The following PTPN14 variants were observed in gnomAD, a reference collection of about 807,000 sequenced individuals.
PTPN14 encodes protein tyrosine phosphatase non-receptor type 14, also known as tyrosine-protein phosphatase non-receptor type 14.
Under a neutral mutation model 126.8 loss-of-function variants are expected in PTPN14, and 53 were observed. The observed-to-expected ratio is 0.42, with a 90% CI of 0.34 to 0.53. PTPN14 has a LOEUF of 0.53. PTPN14 is among the 20% of genes least tolerant of loss of function. PTPN14 has a pLI of 0.08. For synonymous variants in PTPN14, 630 were observed against 599.3 expected (o/e 1.05, Z -0.75); for missense variants, 1,257 against 1,552.9 (o/e 0.81, Z 3.20).
At chr1:214,415,433 A>G (rs1659404290) in intron 3 of PTPN14, among the ~76,000 whole-genome samples, 1 of 152,180 alleles carries the variant, frequency 6.6e-6, no homozygotes, top group African/African-American at 2.4e-5. Context: ...CTCACTCAAG[A>G]CGTTTATTTC....
chr1:214,512,406 A>G (rs1261781632), intron 1 of PTPN14, among the ~76,000 whole-genome samples: 1 of 152,180 alleles, frequency 6.6e-6, no homozygotes, highest in East Asian at 1.9e-4. Context: ...GAAATTTAAT[A>G]AAATTAAAAT....
At chr1:214,533,204 T>C in intron 1 of PTPN14, 1 of 695,198 alleles carries the variant, frequency 1.4e-6, no homozygotes, top group Non-Finnish European at 2.6e-6. Flanking sequence ...GAGATCCTGC[T>C]GCACCTGGCG....
At chr1:214,475,948 T>C (rs894635055) in intron 1 of PTPN14, among the ~76,000 whole-genome samples, 1 of 152,172 alleles carries the variant, frequency 6.6e-6, no homozygotes, top group Admixed American at 6.5e-5. Flanking sequence ...GACCTTATGA[T>C]ATAAAAGTAA....
chr1:214,387,689 AAAG>A (rs1234468014), intron 11 of PTPN14, among the ~76,000 whole-genome samples: 33 of 150,728 alleles, frequency 2.2e-4, no homozygotes, highest in Admixed American at 7.9e-4. Flanking sequence ...AAAAAAAAAA[AAAG>A]AAAGAAAGAA....
intron 18 of PTPN14, 118 bp from the exon 19 acceptor site, chr1:214,358,168 C>G: frequency 8.0e-7 from 1 of 1,251,420 alleles, no homozygotes; most frequent in Non-Finnish European, 1.1e-6. Context: ...CAAGAGAAGG[C>G]AAGGGACTCT....
chr1:214,364,637 T>C lies in PTPN14; in HGVS notation c.3310A>G (p.Asn1104Asp). Residue 1104 changes from asparagine to aspartate, a missense_variant, in exon 18 of 19, where the codon AAC becomes GAC. Physicochemically the swap from Asn to Asp is conservative, Grantham distance 23. Transcript: ENST00000366956. The surrounding 1 kb of genome is among the most constrained non-coding windows in gnomAD (Gnocchi z 4.1). ...TTCTTGGTGCCTTCCAGCATGCTGT[T>C]GGTATGGCGACGGACCGACTGGATC... The part of the protein sequence containing the change: ...EEIQSVRRHT[N>D]SMLEGTKNRH... The C allele has an allele frequency of 2.5e-6, 4 of 1,613,998 alleles. No homozygotes were observed. Among genetic ancestry groups the C allele is most frequent in the Non-Finnish European group, 3.4e-6 (4 of 1,180,020 alleles).
intron 3 of PTPN14, among the ~76,000 whole-genome samples, chr1:214,437,680 G>T (rs1000810127): frequency 6.6e-6 from 1 of 152,018 alleles, no homozygotes; most frequent in Admixed American, 6.6e-5. Context: ...CCAGGAAGAC[G>T]CCCACAATTT....
intron 10 of PTPN14, among the ~76,000 whole-genome samples, chr1:214,392,654 G>GCTTCAC (rs1658784189): frequency 6.6e-6 from 1 of 152,122 alleles, no homozygotes; most frequent in African/African-American, 2.4e-5. Flanking sequence ...TAGAAGAAAC[G>GCTTCAC]TACAGCCGCT....
rs114914872 is a variant in PTPN14 at position 214,413,219 on chromosome 1, G to A, written c.442+1410C>T. On this transcript the variant is annotated intron_variant, in intron 4 of 18. Transcript: ENST00000366956. ...AAGAAGAAAGACCCAATTTGACAAT[G>A]AGGGACATATTGATCTTCTCCATTA... 3.2e-3 allele frequency among the ~76,000 whole-genome samples: 485 copies of A among 152,254 alleles called. 3 individuals are homozygous for A. The highest frequency in any genetic ancestry group is 0.011 in the African/African-American group (458 of 41,546).
At chr1:214,426,032 C>CAAAAAAAAAAAAA (rs66656875) in intron 3 of PTPN14, among the ~76,000 whole-genome samples, 16 of 33,854 alleles carry the variant, frequency 4.7e-4, no homozygotes, top group Admixed American at 5.3e-4. Flanking sequence ...GCATAAATCG[C>CAAAAAAAAAAAAA]AAAAAAAAAA....
At chr1:214,418,281 T>C (rs1659469878) in intron 3 of PTPN14, among the ~76,000 whole-genome samples, 1 of 152,164 alleles carries the variant, frequency 6.6e-6, no homozygotes, top group South Asian at 2.1e-4. Context: ...ATCTGTCAGG[T>C]GGGCAGCAAA....
At chr1:214,390,164 G>T (rs2102547686) in intron 11 of PTPN14, among the ~76,000 whole-genome samples, 1 of 152,186 alleles carries the variant, frequency 6.6e-6, no homozygotes, top group South Asian at 2.1e-4. Context: ...GAAGTTAAAA[G>T]GTCATATGCT....
Position 214,464,761 on chromosome 1 carries a change from C to T in PTPN14, c.43G>A (p.Val15Ile), listed in dbSNP as rs758671755. 3.1e-6 allele frequency: 5 copies of T among 1,614,166 alleles called. No individual in the cohort carries two copies. The highest frequency in any genetic ancestry group is 1.7e-5 in the Admixed American group (1 of 60,012). Residue 15 changes from valine (V) to isoleucine (I), a missense_variant, in exon 2 of 19, where the codon GTC (valine) becomes ATC (isoleucine). Around this residue, in one of 3 missense-constraint regions of PTPN14, gnomAD observed 1,021 missense variants for 1,183.3 expected, o/e 0.86. Transcript: ENST00000366956. ...LKLRRTRRYN[V>I]LSKNCFVTRI... ...GTGACAAAGCAGTTCTTGCTCAGGACGTTGTAGCGCCGTGTCCGGCGGAGC... is the reference window on the plus strand; with the variant it reads ...GTGACAAAGCAGTTCTTGCTCAGGATGTTGTAGCGCCGTGTCCGGCGGAGC...
At chr1:214,358,820 G>GC (rs1657885923) in intron 18 of PTPN14, among the ~76,000 whole-genome samples, 3 of 149,098 alleles carry the variant, frequency 2.0e-5, no homozygotes, top group Non-Finnish European at 4.4e-5. Flanking sequence ...TCGGCTCACT[G>GC]CAACCTCTGC....
In PTPN14 at chr1:214,386,855, T is replaced by C. The variant is rs1204965393; in HGVS notation, c.1055A>G (p.His352Arg). 1.9e-6 allele frequency: 3 copies of C among 1,601,262 alleles called. No homozygotes were observed. The highest frequency in any genetic ancestry group is 4.5e-5 in the East Asian group (2 of 44,800). Residue 352 changes from histidine to arginine, a missense_variant, in exon 12 of 19, where the codon CAC becomes CGC. Coordinates refer to ENST00000366956, the MANE Select transcript of PTPN14 (RefSeq NM_005401.5). ...VQCGEHYSETHTSQDSIFHGN... is the reference protein window; with the variant it reads ...VQCGEHYSETRTSQDSIFHGN... ...CAAGCCAGAGTTACCTTGCGAGGTG[T>C]GCGTTTCCGAGTAGTGCTCACCACA...
intron 13 of PTPN14, 151 bp from the exon 14 acceptor site, chr1:214,378,253 T>C: frequency 9.3e-7 from 1 of 1,070,004 alleles, no homozygotes. Context: ...TTCCCACTAT[T>C]CCCACTGGGC....
At chr1:214,517,005 A>G (rs1655119721) in intron 1 of PTPN14, among the ~76,000 whole-genome samples, 2 of 152,028 alleles carry the variant, frequency 1.3e-5, no homozygotes, top group Admixed American at 1.3e-4. Context: ...TCCTGGAGAA[A>G]TTCTTTCTCA....
chr1:214,381,768 G>A lies in PTPN14; in HGVS notation c.2544+1543C>T, dbSNP rs377105198. Among the ~76,000 whole-genome samples the A allele has an allele frequency of 1.1e-3, 168 of 152,320 alleles. 5 individuals are homozygous for A. In the South Asian group the frequency reaches 0.031, roughly 28 times the overall value. On this transcript the variant is annotated intron_variant, in intron 13 of 18. Coordinates refer to ENST00000366956, the MANE Select transcript of PTPN14 (RefSeq NM_005401.5). ...GCAAATTTTAAGTTACAACTGTTTC[G>A]GAGTTCCTAAAATTAGGCTTGGCTA... is the stretch of plus-strand genomic sequence containing the variant.
intron 17 of PTPN14, among the ~76,000 whole-genome samples, chr1:214,365,632 G>T (rs540948622): frequency 6.6e-6 from 1 of 152,276 alleles, no homozygotes; most frequent in Non-Finnish European, 1.5e-5. Flanking sequence ...AGAGAAAAAA[G>T]TAGGTTTGAA....
Sources: gnomAD v4.1 joint callset for allele counts (sites outside exome capture counted in the v4.1 genomes callset) on GRCh38, gnomAD v4.1.1 for gene constraint, gnomAD v4.1.1 regional missense constraint, Gnocchi (gnomAD v3.1) non-coding constraint, MANE v1.5 for transcripts, NCBI Gene and HGNC (gene_info 2026-07-23, HGNC 2026-07-21) for gene names.